TRPM3: variants seen among roughly 807,000 people sequenced by gnomAD.
TRPM3 encodes transient receptor potential cation channel subfamily M member 3, also known as long transient receptor potential channel 3.
TRPM3 carries 77 observed loss-of-function variants against 181.2 expected under a neutral mutation model. The observed-to-expected ratio is 0.42, with a 90% CI of 0.35 to 0.51. TRPM3 has a LOEUF of 0.51. Among genes scored for constraint, TRPM3 ranks in the 20% least tolerant of loss-of-function variants. TRPM3 has a pLI of 0.01. For synonymous variants in TRPM3, 745 were observed against 796.4 expected, an observed-to-expected ratio of 0.94 and a Z score of 1.09; for missense variants, 1,759 against 2,196.7, an observed-to-expected ratio of 0.80 and a Z score of 3.98.
chr9:71,133,430 G>T (rs1431733728), intron 1 of TRPM3, among the ~76,000 whole-genome samples: 1 of 151,778 alleles, frequency 6.6e-6, no homozygotes, highest in Non-Finnish European at 1.5e-5. Context: ...CTCCCGAGTA[G>T]CTGGAATTAC....
intron 25 of TRPM3, among the ~76,000 whole-genome samples, chr9:70,539,307 T>C (rs1469928908): frequency 1.3e-5 from 2 of 151,982 alleles, no homozygotes; most frequent in African/African-American, 4.8e-5. Context: ...TATAGACTTC[T>C]TAAAAACCTC....
chr9:71,412,680 G>C (rs1167059983), intron 1 of TRPM3, among the ~76,000 whole-genome samples: 1 of 152,190 alleles, frequency 6.6e-6, no homozygotes, highest in Admixed American at 6.5e-5. Context: ...CACTGGGGAA[G>C]ACAGTGTGGT....
At chr9:70,956,088 C>T (rs924183451) in intron 1 of TRPM3, among the ~76,000 whole-genome samples, 2 of 151,920 alleles carry the variant, frequency 1.3e-5, no homozygotes, top group Admixed American at 6.6e-5. Context: ...GAAGGGTGCC[C>T]GATTGAGAAT....
At chr9:70,695,770 A>T (rs115506542) in intron 8 of TRPM3, among the ~76,000 whole-genome samples, 1 of 152,160 alleles carries the variant, frequency 6.6e-6, no homozygotes, top group Non-Finnish European at 1.5e-5. Context: ...CCACAAAAGG[A>T]TACTCCTTAG....
chr9:71,418,022 A>G (rs1297967201), intron 1 of TRPM3, among the ~76,000 whole-genome samples: 4 of 146,730 alleles, frequency 2.7e-5, no homozygotes, highest in African/African-American at 1.0e-4. Flanking sequence ...GGACAGGAAT[A>G]AATATTTGAG....
chr9:71,406,966 T>C (rs1215243944), intron 1 of TRPM3, among the ~76,000 whole-genome samples: 1 of 152,182 alleles, frequency 6.6e-6, no homozygotes, highest in Non-Finnish European at 1.5e-5. Context: ...AAAACTTATG[T>C]TGAGGACATT....
At chr9:71,130,033 T>C (rs927385465) in intron 1 of TRPM3, among the ~76,000 whole-genome samples, 9 of 152,220 alleles carry the variant, frequency 5.9e-5, no homozygotes, top group South Asian at 4.1e-4. Context: ...ATATGATTTT[T>C]TGCAAATATG....
At chr9:71,237,527 A>G (rs2081428885) in intron 1 of TRPM3, among the ~76,000 whole-genome samples, 1 of 152,186 alleles carries the variant, frequency 6.6e-6, no homozygotes, top group African/African-American at 2.4e-5. Flanking sequence ...GGTCTGGAAA[A>G]TGAATTTCAT....
intron 1 of TRPM3, among the ~76,000 whole-genome samples, chr9:71,222,252 G>A (rs1216822064): frequency 6.6e-6 from 1 of 152,170 alleles, no homozygotes; most frequent in African/African-American, 2.4e-5. Flanking sequence ...GAATGCCTGG[G>A]GTTGAATAAG....
chr9:71,013,525 C>T (rs1267961259), intron 1 of TRPM3, among the ~76,000 whole-genome samples: 1 of 151,680 alleles, frequency 6.6e-6, no homozygotes, highest in Non-Finnish European at 1.5e-5. Flanking sequence ...GATCAAGTCT[C>T]TGAAGGTTTG....
rs781526643 is a variant in TRPM3, at chr9:70,536,183, T to C, written c.4930A>G (p.Ile1644Val). Residue 1644 changes from isoleucine to valine, a missense_variant, in exon 26 of 26, where the codon ATA (isoleucine) becomes GTA (valine). Transcript: ENST00000677713. ...TLSNNITVPK[I>V]ERANSYSAEE... ...GCCGAGTAGCTGTTGGCGCGCTCTA[T>C]CTTGGGAACAGTGATGTTGTTGGAC... 1.1e-5 allele frequency: 18 copies of C among 1,614,082 alleles called. No individual in the cohort carries two copies. Among genetic ancestry groups the C allele is most frequent in the Non-Finnish European group, 1.5e-5 (18 of 1,180,032 alleles).
At chr9:70,798,937 G>T (rs2088037165) in intron 6 of TRPM3, among the ~76,000 whole-genome samples, 1 of 152,130 alleles carries the variant, frequency 6.6e-6, no homozygotes, top group South Asian at 2.1e-4. Context: ...TGTCCATCTG[G>T]ATTACATCTG....
intron 1 of TRPM3, among the ~76,000 whole-genome samples, chr9:71,233,939 A>C (rs959666841): frequency 2.6e-5 from 4 of 152,324 alleles, no homozygotes; most frequent in South Asian, 4.1e-4. Context: ...TAATTATTAT[A>C]TTACTTACCT....
chr9:70,949,008 A>G (rs187849746), intron 1 of TRPM3, among the ~76,000 whole-genome samples: 14 of 152,130 alleles, frequency 9.2e-5, no homozygotes, highest in African/African-American at 3.4e-4. Context: ...TTTTTGATTC[A>G]ACAATTAGAC....
chr9:71,232,456 C>G (rs2081110175), intron 1 of TRPM3, among the ~76,000 whole-genome samples: 1 of 148,098 alleles, frequency 6.8e-6, no homozygotes, highest in African/African-American at 2.5e-5. Flanking sequence ...CTCCCTGATG[C>G]ATACTCTAAC....
At chr9:71,116,378 T>G (rs1287677306) in intron 1 of TRPM3, among the ~76,000 whole-genome samples, 1 of 152,206 alleles carries the variant, frequency 6.6e-6, no homozygotes, top group African/African-American at 2.4e-5. Context: ...TTGAACATCA[T>G]AAATTTAAAA....
intron 1 of TRPM3, among the ~76,000 whole-genome samples, chr9:71,006,038 G>A (rs73478177): frequency 0.038 from 5,813 of 152,190 alleles, 403 homozygotes; most frequent in African/African-American, 0.13. Context: ...GTGAGGAGGG[G>A]ACGTGGTATT....
intron 1 of TRPM3, among the ~76,000 whole-genome samples, chr9:71,403,848 G>A (rs752788639): frequency 2.6e-5 from 4 of 151,768 alleles, no homozygotes; most frequent in South Asian, 2.1e-4. Flanking sequence ...AAACAACATG[G>A]GCATCTTAAA....
At chr9:71,308,837 C>T (rs946245817) in intron 1 of TRPM3, among the ~76,000 whole-genome samples, 3 of 149,614 alleles carry the variant, frequency 2.0e-5, no homozygotes, top group Non-Finnish European at 3.0e-5. Flanking sequence ...AATTCTAATG[C>T]ATTGGGTCTT....
Sources: gnomAD v4.1 joint callset for allele counts (sites outside exome capture counted in the v4.1 genomes callset) on GRCh38, gnomAD v4.1.1 for gene constraint, MANE v1.5 for transcripts, NCBI Gene and HGNC (gene_info 2026-07-23, HGNC 2026-07-21) for gene names.